CLSPN: variants seen among roughly 807,000 people sequenced by gnomAD.
The protein encoded by CLSPN is claspin homolog.
CLSPN carries 85 observed loss-of-function variants against 156.3 expected under a neutral mutation model. The observed-to-expected ratio is 0.54, with a 90% CI of 0.46 to 0.65. The LOEUF is 0.65. Ranked by LOEUF, CLSPN falls within the 30% of genes least tolerant of loss-of-function variation. CLSPN has a pLI of 0.00. For missense variants in CLSPN, 1,407 were observed against 1,554.9 expected (o/e 0.90, Z 1.60); for synonymous variants, 534 against 542.4 (o/e 0.98, Z 0.22).
intron 14 of CLSPN, 55 bp from the exon 15 acceptor site, chr1:35,747,047 G>T: frequency 1.4e-6 from 2 of 1,383,024 alleles, no homozygotes; most frequent in Non-Finnish European, 2.1e-6. Context: ...AGAGGGCCGG[G>T]TGCGGTAGCT....
intron 18 of CLSPN, among the ~76,000 whole-genome samples, chr1:35,742,777 C>T (rs1274024379): frequency 3.6e-5 from 5 of 139,512 alleles, no homozygotes; most frequent in African/African-American, 5.4e-5. Context: ...GACAGAGTCT[C>T]GCTCTGTCAC....
chr1:35,720,532 C>T, exon 25 of CLSPN: 1 of 152,806 alleles, frequency 6.5e-6, no homozygotes, highest in Non-Finnish European at 1.4e-5. Flanking sequence ...TCACCGCAAC[C>T]TCCACCTCCC....
Position 35,733,966 on chromosome 1 carries a change from T to A in CLSPN, c.*2530A>T. On this transcript the variant is annotated 3_prime_UTR_variant, in exon 25 of 25. Coordinates refer to ENST00000318121, the MANE Select transcript of CLSPN (RefSeq NM_022111.4). The stretch of plus-strand genomic sequence containing the variant: ...CTGCACTCTAACCTGGGCAACAGAA[T>A]GAGACTGTCTCTAAAAAATAAGTTT... 2.0e-6 allele frequency: 2 copies of A among 977,078 alleles called. No homozygotes were observed. Among genetic ancestry groups the A allele is most frequent in the Non-Finnish European group, 2.4e-6 (2 of 822,324 alleles). The allele number at this position is 977,078 out of a possible 1,614,324, so 60.5% of individuals were successfully genotyped here.
chr1:35,735,427 G>T lies in CLSPN; in HGVS notation c.*1069C>A, dbSNP rs2148611451. On this transcript the variant is annotated 3_prime_UTR_variant, in exon 25 of 25. Coordinates refer to ENST00000318121, the MANE Select transcript of CLSPN (RefSeq NM_022111.4). ...CTCCATCTAAGAAATCGTTCTTTTGGCTGGGCACAGTGGCTCACGCCTGTA... is the reference window on the plus strand; with the variant it reads ...CTCCATCTAAGAAATCGTTCTTTTGTCTGGGCACAGTGGCTCACGCCTGTA... 2 of 985,286 alleles carry T rather than the reference G, an allele frequency of 2.0e-6. No individual in the cohort carries two copies. The highest frequency in any genetic ancestry group is 2.4e-6 in the Non-Finnish European group (2 of 829,832). The allele number at this position is 985,286 out of a possible 1,614,324, so 61.0% of individuals were successfully genotyped here. A position where few individuals can be genotyped will look rare whatever the true frequency, so the allele number is the denominator to read the frequency against.
intron 8 of CLSPN, among the ~76,000 whole-genome samples, chr1:35,759,521 C>T (rs2148624538): frequency 6.6e-6 from 1 of 152,282 alleles, no homozygotes; most frequent in South Asian, 2.1e-4. Flanking sequence ...AGAGTAAAAG[C>T]ATCTTAAGTA....
intron 1 of CLSPN, among the ~76,000 whole-genome samples, chr1:35,769,540 C>G (rs952367122): frequency 6.6e-6 from 1 of 152,228 alleles, no homozygotes; most frequent in African/African-American, 2.4e-5. Context: ...AGGAAACGCG[C>G]CAAAGGGGAG....
At chr1:35,758,150 T>C (rs945958846) in intron 8 of CLSPN, among the ~76,000 whole-genome samples, 1 of 152,028 alleles carries the variant, frequency 6.6e-6, no homozygotes, top group Admixed American at 6.6e-5. Context: ...AATAAGATGT[T>C]TAATGAAAGA....
At chr1:35,745,612 A>G (rs761219858) in intron 15 of CLSPN, 50 bp from the exon 16 acceptor site, 1 of 1,315,480 alleles carries the variant, frequency 7.6e-7, no homozygotes, top group Admixed American at 1.7e-5. Flanking sequence ...ATAGCTTTAT[A>G]CTCTTTTCCC....
rs141846202 is a variant in CLSPN, at chr1:35,736,903, A to T, written c.3909+11T>A. On this transcript the variant is annotated intron_variant, in intron 24 of 24. Transcript: ENST00000318121. Reference sequence around the variant, plus strand: ...TTGGGAAGCCACCATATTAGTTCTCAAATTCCATACCTGAGACTTAGACGA... The same window carrying T: ...TTGGGAAGCCACCATATTAGTTCTCTAATTCCATACCTGAGACTTAGACGA... 5 of 1,609,268 alleles carry T rather than the reference A, an allele frequency of 3.1e-6. No homozygotes were observed. The African/African-American group carries it at 6.7e-5, about 22-fold the overall frequency.
downstream of CLSPN, among the ~76,000 whole-genome samples, chr1:35,731,332 A>AG (rs1641312937): frequency 6.6e-6 from 1 of 152,144 alleles, no homozygotes; most frequent in South Asian, 2.1e-4. Context: ...GGATGGATGT[A>AG]GGGGAGGGCA....
chr1:35,769,962 A>G lies in CLSPN; in HGVS notation c.-92T>C, dbSNP rs1279288496. 2 of 1,493,944 alleles carry G rather than the reference A, an allele frequency of 1.3e-6. No homozygotes were observed. The highest frequency in any genetic ancestry group is 1.8e-6 in the Non-Finnish European group (2 of 1,087,492). The allele number at this position is 1,493,944 out of a possible 1,614,324, so 92.5% of individuals were successfully genotyped here. ...CGGCTCCCGCCGTCTCCAGCCCAGC[A>G]GTGCTGTTCTTGCTTTCCCGCCCAG... On this transcript the variant is annotated 5_prime_UTR_variant, in exon 1 of 25. Coordinates refer to ENST00000318121, the MANE Select transcript of CLSPN (RefSeq NM_022111.4).
chr1:35,764,023 C>A (rs753005860), intron 3 of CLSPN, among the ~76,000 whole-genome samples: 4 of 152,064 alleles, frequency 2.6e-5, no homozygotes, highest in Non-Finnish European at 4.4e-5. Context: ...TGTTCTCGAA[C>A]TCCTGGGCTT....
Position 35,765,341 on chromosome 1 carries a change from T to C in CLSPN, c.25-15A>G, listed in dbSNP as rs780002445. 21 of 1,555,002 alleles carry C rather than the reference T, an allele frequency of 1.4e-5. No homozygotes were observed. The highest frequency in any genetic ancestry group is 6.7e-5 in the Admixed American group (4 of 59,690). ...TCTAGGTGAACCTAGAAAATGACAA[T>C]ATACTTTATATCAACCAGCAGGTGA... On this transcript the variant is annotated splice_polypyrimidine_tract_variant and intron_variant, in intron 1 of 24. Transcript: ENST00000318121.
At chr1:35,753,090 T>G (rs2148621239) in intron 9 of CLSPN, among the ~76,000 whole-genome samples, 1 of 152,270 alleles carries the variant, frequency 6.6e-6, no homozygotes, top group Middle Eastern at 3.4e-3. Context: ...GTGGGTTGTT[T>G]TGTTTTGGGT....
rs1339848158 is a variant in CLSPN at position 35,738,108 on chromosome 1, AAAAAAATAT to A, written c.3559-20_3559-12del. On this transcript the variant is annotated splice_polypyrimidine_tract_variant and intron_variant, in intron 21 of 24. Coordinates refer to ENST00000318121, the MANE Select transcript of CLSPN (RefSeq NM_022111.4). The stretch of plus-strand genomic sequence containing the variant: ...TTTCCCCTGCTGTGCCTGAAAAAAA[AAAAAAATAT>A]ATATATATATATATATATATATACA... The A allele has an allele frequency of 4.0e-5, 25 of 626,344 alleles. 1 individual carries two copies. In the African/African-American group the frequency reaches 4.6e-4, roughly 11 times the overall value. 38.8% of individuals were successfully genotyped at this position (626,344 alleles called of 1,614,324 possible). A position where few individuals can be genotyped will look rare whatever the true frequency, so the allele number is the denominator to read the frequency against.
At chr1:35,759,163 A>G (rs1270810702) in intron 8 of CLSPN, among the ~76,000 whole-genome samples, 1 of 152,232 alleles carries the variant, frequency 6.6e-6, no homozygotes, top group Non-Finnish European at 1.5e-5. Context: ...GGGATCATTC[A>G]TTCATTTGAT....
At chr1:35,742,723 A>G (rs917557476) in intron 18 of CLSPN, among the ~76,000 whole-genome samples, 2 of 150,356 alleles carry the variant, frequency 1.3e-5, no homozygotes, top group African/African-American at 4.9e-5. Context: ...ATTAGCACAC[A>G]GGACATATTA....
chr1:35,739,676 C>T, intron 18 of CLSPN, 147 bp from the exon 19 acceptor site: 2 of 594,412 alleles, frequency 3.4e-6, no homozygotes, highest in South Asian at 5.2e-5. Flanking sequence ...ATAGTCTCCA[C>T]TTATGATGGT....
At chr1:35,720,442 CTT>C (rs71062889) in exon 25 of CLSPN, 73 of 80,922 alleles carry the variant, frequency 9.0e-4, no homozygotes, top group Non-Finnish European at 1.3e-3. Flanking sequence ...CAAATCCTCA[CTT>C]TTTTTTTTTT....
Sources: gnomAD v4.1 joint callset for allele counts (sites outside exome capture counted in the v4.1 genomes callset) on GRCh38, gnomAD v4.1.1 for gene constraint, MANE v1.5 for transcripts, NCBI Gene and HGNC (gene_info 2026-07-23, HGNC 2026-07-21) for gene names.